Variants in ATP10B observed in about 807,000 individuals in gnomAD.
ATP10B encodes ATPase phospholipid transporting 10B (putative).
In ATP10B, 122 loss-of-function variants were observed where a neutral mutation model predicts 141.2. The observed-to-expected ratio is 0.86, with a 90% CI of 0.75 to 1.00. The LOEUF (loss-of-function observed/expected upper bound fraction) is 1.00, where lower values mean the gene tolerates loss of function less well. Among genes scored for constraint, ATP10B ranks in the 50% least tolerant of loss-of-function variants. ATP10B has a pLI of 0.00. For missense variants in ATP10B, 1,876 were observed against 1,825.3 expected (o/e 1.03, Z -0.51); for synonymous variants, 685 against 692.0 (o/e 0.99, Z 0.16).
At chr5:160,829,461 A>T (rs1358664856) in intron 1 of ATP10B, among the ~76,000 whole-genome samples, 3 of 152,038 alleles carry the variant, frequency 2.0e-5, no homozygotes, top group African/African-American at 7.2e-5. Flanking sequence ...TATGCGTTTT[A>T]GAATAGTTTA....
At chr5:160,825,522 CTCTT>C (rs966445860) in intron 1 of ATP10B, among the ~76,000 whole-genome samples, 2 of 152,172 alleles carry the variant, frequency 1.3e-5, no homozygotes, top group Admixed American at 6.5e-5. Context: ...TCCATCAAAA[CTCTT>C]TCTTTTGTAA....
At chr5:160,821,312 G>C (rs968343878) in intron 1 of ATP10B, among the ~76,000 whole-genome samples, 1 of 151,972 alleles carries the variant, frequency 6.6e-6, no homozygotes, top group Non-Finnish European at 1.5e-5. Flanking sequence ...AATGAAAGAA[G>C]TGGAAGATCT....
chr5:160,774,583 T>C (rs772224712), intron 2 of ATP10B, among the ~76,000 whole-genome samples: 6 of 152,192 alleles, frequency 3.9e-5, no homozygotes, highest in Non-Finnish European at 8.8e-5. Flanking sequence ...CTTGGCACAG[T>C]CTGGGACCAT....
intron 13 of ATP10B, among the ~76,000 whole-genome samples, chr5:160,626,416 A>G (rs528709666): frequency 4.6e-5 from 7 of 152,200 alleles, no homozygotes; most frequent in Non-Finnish European, 1.0e-4. Flanking sequence ...GCTCACATCC[A>G]TTATCTAATC....
At chr5:160,889,485 C>G in the ATP10B span, among the ~76,000 whole-genome samples, 5 of 152,230 alleles carry the variant, frequency 3.3e-5, no homozygotes, top group Admixed American at 6.5e-5. Flanking sequence ...TGCTGCTTCT[C>G]TCACTCCCAA....
chr5:160,706,267 G>T (rs1263210246), intron 3 of ATP10B, among the ~76,000 whole-genome samples: 1 of 152,202 alleles, frequency 6.6e-6, no homozygotes, highest in Non-Finnish European at 1.5e-5. Context: ...AATCATGGTG[G>T]TGTTCTTGCT....
At chr5:160,662,127 T>A (rs1410436603) in intron 7 of ATP10B, among the ~76,000 whole-genome samples, 1 of 152,140 alleles carries the variant, frequency 6.6e-6, no homozygotes, top group African/African-American at 2.4e-5. Flanking sequence ...TACAAACCAC[T>A]GCTCAATGAA....
At chr5:160,701,963 A>G (rs1272255802) in intron 3 of ATP10B, among the ~76,000 whole-genome samples, 1 of 138,918 alleles carries the variant, frequency 7.2e-6, no homozygotes, top group Non-Finnish European at 1.6e-5. Flanking sequence ...AGCAGTCACT[A>G]CTCTACCTCA....
At position 160,620,692 on chromosome 5, in the gene ATP10B, G is replaced by C; in HGVS notation, c.2071C>G (p.Leu691Val). ...AAGGAAGTGCCTGACCCAGACTCCA[G>C]GATGTCGCCCTGGTCCCACATGCTG... ...RSSMWDQGDI[L>V]ESGSGTSLEE... Residue 691 changes from leucine to valine, a missense_variant, in exon 15 of 26, where the codon CTG (leucine) becomes GTG (valine). Leu to Val is a conservative substitution (Grantham distance 32, BLOSUM62 1). Transcript: ENST00000327245. 6.2e-7 allele frequency: 1 copy of C among 1,614,098 alleles called. No individual in the cohort carries two copies. The highest frequency in any genetic ancestry group is 8.5e-7 in the Non-Finnish European group (1 of 1,179,954).
At position 160,589,482 on chromosome 5, in the gene ATP10B, A is replaced by T. The variant is rs73819451; in HGVS notation, c.3750+110T>A. On this transcript the variant is annotated intron_variant, in intron 24 of 25. Coordinates refer to ENST00000327245, the MANE Select transcript of ATP10B (RefSeq NM_025153.3). ...GTAGGACATAGGGTAGGAGCTTAGTATGTATTTATTGAGTGGATTGATAAC... is the reference window on the plus strand; with the variant it reads ...GTAGGACATAGGGTAGGAGCTTAGTTTGTATTTATTGAGTGGATTGATAAC... The T allele has an allele frequency of 5.8e-4, 477 of 817,118 alleles. 2 individuals are homozygous for T. In the African/African-American group the frequency reaches 7.1e-3, roughly 12 times the overall value. 50.6% of individuals were successfully genotyped at this position (817,118 alleles called of 1,614,324 possible). A position where few individuals can be genotyped will look rare whatever the true frequency, so the allele number is the denominator to read the frequency against.
chr5:160,707,944 C>T (rs1581392352), intron 3 of ATP10B, among the ~76,000 whole-genome samples: 1 of 152,158 alleles, frequency 6.6e-6, no homozygotes, highest in African/African-American at 2.4e-5. Context: ...GCTGGAATGC[C>T]TGATGGGGGT....
At chr5:160,849,338 C>T (rs1182833507) in intron 1 of ATP10B, among the ~76,000 whole-genome samples, 1 of 152,118 alleles carries the variant, frequency 6.6e-6, no homozygotes, top group African/African-American at 2.4e-5. Flanking sequence ...CCTGCAAAAA[C>T]TTTATCTAAG....
At chr5:160,846,636 C>T (rs566014043) in intron 1 of ATP10B, among the ~76,000 whole-genome samples, 2 of 152,170 alleles carry the variant, frequency 1.3e-5, no homozygotes, top group Non-Finnish European at 2.9e-5. Flanking sequence ...ACTACTAATA[C>T]ATATCCAGCG....
At chr5:160,897,547 A>C in the ATP10B span, among the ~76,000 whole-genome samples, 31 of 152,320 alleles carry the variant, frequency 2.0e-4, no homozygotes, top group Admixed American at 1.7e-3. Flanking sequence ...AGAGGACACA[A>C]ACAAGTGGAA....
rs368078734 is a variant in ATP10B at position 160,598,791 on chromosome 5, G to T, written c.3543C>A (p.Tyr1181Ter). 5 of 1,614,000 alleles carry T rather than the reference G, an allele frequency of 3.1e-6. No homozygotes were observed. Among genetic ancestry groups the T allele is most frequent in the Non-Finnish European group, 3.4e-6 (4 of 1,179,988 alleles). ...AETLLALPEL[Y>*]KSGQNSECYN... Reference sequence around the variant, plus strand: ...TTACCTCAGAGTTCTGGCCACTCTTGTATAGCTCAGGCAATGCCAGGAGTG... The same window carrying T: ...TTACCTCAGAGTTCTGGCCACTCTTTTATAGCTCAGGCAATGCCAGGAGTG... The change falls in exon 22 of 26, where the codon TAC (tyrosine) becomes TAA (stop). Residue 1181 changes from tyrosine (Y) to a stop codon, truncating the protein, a stop_gained. Coordinates refer to ENST00000327245, the MANE Select transcript of ATP10B (RefSeq NM_025153.3). LOFTEE classifies it high-confidence loss of function.
chr5:160,895,758 C>G, the ATP10B span, among the ~76,000 whole-genome samples: 1 of 152,292 alleles, frequency 6.6e-6, no homozygotes, highest in East Asian at 1.9e-4. Flanking sequence ...CTTCTCAGCA[C>G]CACATATCAC....
the ATP10B span, among the ~76,000 whole-genome samples, chr5:160,877,283 C>A: frequency 6.8e-6 from 1 of 147,342 alleles, no homozygotes; most frequent in East Asian, 2.1e-4. Context: ...AAGACAAAAA[C>A]CACATGATTA....
intron 1 of ATP10B, among the ~76,000 whole-genome samples, chr5:160,812,020 CAGAGAG>C (rs34793101): frequency 0.31 from 34,322 of 110,806 alleles, 4,403 homozygotes; most frequent in African/African-American, 0.37. Flanking sequence ...GAGACAGAGA[CAGAGAG>C]AGAGAGAGAG....
chr5:160,773,306 T>C (rs1021677452), intron 2 of ATP10B, among the ~76,000 whole-genome samples: 2 of 152,154 alleles, frequency 1.3e-5, no homozygotes, highest in African/African-American at 4.8e-5. Context: ...TTGCAATGGC[T>C]TATCAAAGGA....
Sources: allele counts gnomAD v4.1 joint callset (sites outside exome capture counted in the v4.1 genomes callset), GRCh38; gene constraint gnomAD v4.1.1; transcripts MANE v1.5; gene names NCBI Gene and HGNC (gene_info 2026-07-23, HGNC 2026-07-21).